Variants in ANK1 observed in about 807,000 individuals in gnomAD.
ANK1 encodes ankyrin-1.
In ANK1, 51 loss-of-function variants were observed where a neutral mutation model predicts 210.4. The ratio of observed to expected loss-of-function variants is 0.24; its 90% CI spans 0.19 to 0.31. The LOEUF (loss-of-function observed/expected upper bound fraction) is 0.31. ANK1 is among the 10% of genes least tolerant of loss of function. The pLI is 1.00. For missense variants in ANK1, 2,051 were observed against 2,504.4 expected, an observed-to-expected ratio of 0.82 and a Z score of 3.86; for synonymous variants, 967 against 1,025.9, an observed-to-expected ratio of 0.94 and a Z score of 1.10.
chr8:41,758,293 C>A (rs1839656935), intron 1 of ANK1, among the ~76,000 whole-genome samples, 156 bp from the exon 2 acceptor site: 1 of 152,190 alleles, frequency 6.6e-6, no homozygotes. Context: ...CCTGAGAGCC[C>A]CTGGTTGGAC....
rs575234121 is a variant in ANK1, at chr8:41,756,209, G to A, written c.129+1827C>T. Among the ~76,000 whole-genome samples the A allele has an allele frequency of 1.5e-4, 23 of 151,932 alleles. 1 individual carries two copies. The South Asian group carries it at 4.4e-3, about 29-fold the overall frequency. Reference sequence around the variant, plus strand: ...CCAGGCTGGAGTGTAGTGGCACGACGATCTCGGCTCACTGCAACCTCCGCC... The same window carrying A: ...CCAGGCTGGAGTGTAGTGGCACGACAATCTCGGCTCACTGCAACCTCCGCC... On this transcript the variant is annotated intron_variant, in intron 2 of 42. Coordinates refer to ENST00000289734, the MANE Select transcript of ANK1 (RefSeq NM_000037.4).
At chr8:41,711,200 C>T (rs1251468111) in intron 16 of ANK1, among the ~76,000 whole-genome samples, 1 of 152,196 alleles carries the variant, frequency 6.6e-6, no homozygotes, top group East Asian at 1.9e-4. Context: ...CAAAACAGAG[C>T]TAAGCCTCCC....
chr8:41,896,118 G>A (rs1476408492), intron 1 of ANK1, among the ~76,000 whole-genome samples: 2 of 152,176 alleles, frequency 1.3e-5, no homozygotes, highest in Admixed American at 1.3e-4. Context: ...GATTCTGCGC[G>A]CCCTCAGCCT....
intron 5 of ANK1, 104 bp from the exon 6 acceptor site, chr8:41,726,050 G>A: frequency 7.5e-7 from 1 of 1,332,336 alleles, no homozygotes; most frequent in Non-Finnish European, 1.0e-6. Flanking sequence ...AGCAGCCCCA[G>A]CCTGAGGGAC....
At chr8:41,708,492 A>AT (rs1049084187) in intron 17 of ANK1, among the ~76,000 whole-genome samples, 3 of 152,214 alleles carry the variant, frequency 2.0e-5, no homozygotes, top group African/African-American at 7.2e-5. Context: ...TTTATTATGG[A>AT]TTTTAATATT....
intron 2 of ANK1, among the ~76,000 whole-genome samples, chr8:41,748,264 G>A (rs951017659): frequency 1.3e-5 from 2 of 152,210 alleles, no homozygotes; most frequent in African/African-American, 4.8e-5. Flanking sequence ...GTCTAAAGAA[G>A]TTTAATACCA....
intron 1 of ANK1, among the ~76,000 whole-genome samples, chr8:41,852,235 GGT>G (rs1563908882): frequency 6.6e-6 from 1 of 152,138 alleles, no homozygotes; most frequent in Non-Finnish European, 1.5e-5. Context: ...AGAAAGGAGG[GGT>G]GAGTACTCAG....
chr8:41,798,634 T>C (rs947210280), upstream of ANK1, among the ~76,000 whole-genome samples: 3 of 152,196 alleles, frequency 2.0e-5, no homozygotes, highest in African/African-American at 7.2e-5. Flanking sequence ...AGTTGGTGGC[T>C]GGCAGAGGGA....
At position 41,871,153 on chromosome 8, in the gene ANK1, C is replaced by A. The variant is rs190700510; in HGVS notation, c.126+25202G>T. ...CTTCTGGAGGGAACACTGCACAGGT[C>A]CAGGGTGCCTTCCCATCGCCCCTGC... On this transcript the variant is annotated intron_variant, in intron 1 of 42. Transcript: ENST00000265709. Among the ~76,000 whole-genome samples, 568 of 152,300 alleles carry A rather than the reference C, an allele frequency of 3.7e-3. 4 individuals are homozygous for A. The highest frequency in any genetic ancestry group is 0.013 in the African/African-American group (541 of 41,556).
At chr8:41,786,651 C>T (rs757171940) in intron 1 of ANK1, among the ~76,000 whole-genome samples, 4 of 152,190 alleles carry the variant, frequency 2.6e-5, no homozygotes, top group Non-Finnish European at 4.4e-5. Flanking sequence ...AATCCCAGCC[C>T]AGCACTCACC....
At chr8:41,770,848 G>A (rs1563726309) in intron 1 of ANK1, among the ~76,000 whole-genome samples, 1 of 152,242 alleles carries the variant, frequency 6.6e-6, no homozygotes, top group African/African-American at 2.4e-5. Flanking sequence ...ATAAATTCCA[G>A]CACTGCAGCC....
chr8:41,794,773 C>T (rs1446950051), intron 1 of ANK1, among the ~76,000 whole-genome samples: 2 of 152,178 alleles, frequency 1.3e-5, no homozygotes, highest in Non-Finnish European at 2.9e-5. Flanking sequence ...GGCACCATCT[C>T]GGCTTACTGC....
intron 1 of ANK1, among the ~76,000 whole-genome samples, chr8:41,837,046 G>T (rs993105357): frequency 6.6e-6 from 1 of 152,202 alleles, no homozygotes; most frequent in African/African-American, 2.4e-5. Context: ...AATGAGCATT[G>T]GTTAAATGAG....
chr8:41,789,437 A>G lies in ANK1; in HGVS notation c.27+8075T>C, dbSNP rs146843261. On this transcript the variant is annotated intron_variant, in intron 1 of 42. Transcript: ENST00000289734. ...CGGACTGGAGATGCGGGGAGGGCAC[A>G]TATCTGATGGAGGATAAAGTCCAGA... The G allele has an allele frequency of 3.6e-3, 544 of 152,396 alleles. 5 individuals carry two copies. The highest frequency in any genetic ancestry group is 0.016 in the East Asian group (82 of 5,188). 9.4% of individuals were successfully genotyped at this position (152,396 alleles called of 1,614,324 possible). A position where few individuals can be genotyped will look rare whatever the true frequency, so the allele number is the denominator to read the frequency against.
intron 1 of ANK1, among the ~76,000 whole-genome samples, chr8:41,861,114 G>A (rs1407002277): frequency 6.6e-6 from 1 of 152,214 alleles, no homozygotes; most frequent in Non-Finnish European, 1.5e-5. Flanking sequence ...CTGTCTGGGC[G>A]ATGCGTGCTT....
rs757812425 is a variant in ANK1 at position 41,696,682 on chromosome 8, T to C, written c.2729A>G (p.His910Arg). 1.2e-6 allele frequency: 2 copies of C among 1,603,548 alleles called. No homozygotes were observed. The highest frequency in any genetic ancestry group is 2.2e-5 in the East Asian group (1 of 44,766). ...CCCTGCGCCCGCCACTCACCCTGTA[T>C]GCACCGGGCTGGCCACCGGGCTGAT... ...DNISPVASPVHTGFLVSFMVD... is the reference protein window; with the variant it reads ...DNISPVASPVRTGFLVSFMVD... Residue 910 changes from histidine to arginine, a missense_variant, in exon 25 of 43, where the codon CAT (histidine) becomes CGT (arginine). Physicochemically the swap from His to Arg is conservative, Grantham distance 29 (BLOSUM62 0). Around this residue, in one of 6 missense-constraint regions of ANK1, gnomAD observed 1,413 missense variants for 1,707.4 expected, o/e 0.83. Transcript: ENST00000289734.
Position 41,672,791 on chromosome 8 carries a change from C to T in ANK1, c.4659G>A (p.Ala1553=), listed in dbSNP as rs777695533. The stretch of plus-strand genomic sequence containing the variant: ...CCAGCATGGTGTCATGCTCCGTGGC[C>T]GCCAAGGGGATGGCGTCTAGGACGG... ...EVAVLDAIPL[A]ATEHDTMLEM... is the part of the protein sequence containing the mutation. Residue 1553 remains alanine, a synonymous_variant, in exon 38 of 43, where the codon GCG becomes GCA. Coordinates refer to ENST00000289734, the MANE Select transcript of ANK1 (RefSeq NM_000037.4). 24 of 1,604,112 alleles carry T rather than the reference C, an allele frequency of 1.5e-5. No homozygotes were observed. Among genetic ancestry groups the T allele is most frequent in the South Asian group, 8.9e-5 (8 of 89,876 alleles).
At chr8:41,783,221 A>G (rs965312394) in intron 1 of ANK1, among the ~76,000 whole-genome samples, 1 of 152,234 alleles carries the variant, frequency 6.6e-6, no homozygotes, top group Admixed American at 6.5e-5. Context: ...GATCGTTTCG[A>G]AAGTCTCCCA....
At chr8:41,829,910 T>A (rs1587273982) in intron 1 of ANK1, 1 of 120,068 alleles carries the variant, frequency 8.3e-6, no homozygotes, top group African/African-American at 3.3e-5. Flanking sequence ...CACTCCAGCC[T>A]GGGCGACAGA....
Sources: allele counts gnomAD v4.1 joint callset (sites outside exome capture counted in the v4.1 genomes callset), GRCh38; gene constraint gnomAD v4.1.1; regional missense constraint gnomAD v4.1.1; transcripts MANE v1.5; gene names NCBI Gene and HGNC (gene_info 2026-07-23, HGNC 2026-07-21).